The following STPG2 variants were observed in gnomAD, a reference collection of about 807,000 sequenced individuals.
STPG2 encodes sperm-tail PG-rich repeat-containing protein 2.
Under a neutral mutation model 54.2 loss-of-function variants are expected in STPG2, and 56 were observed. That is an observed-to-expected ratio of 1.03 (90% CI 0.83 to 1.29). The LOEUF (loss-of-function observed/expected upper bound fraction) is 1.29. Among genes scored for constraint, STPG2 ranks in the 50% most tolerant of loss-of-function variants. STPG2 has a pLI of 0.00. For synonymous variants in STPG2, 200 were observed against 181.8 expected (o/e 1.10, Z -0.81); for missense variants, 596 against 544.9 (o/e 1.09, Z -0.93).
At chr4:97,678,671 A>T (rs544208848) in intron 10 of STPG2, among the ~76,000 whole-genome samples, 1 of 151,732 alleles carries the variant, frequency 6.6e-6, no homozygotes, top group Admixed American at 6.6e-5. Context: ...CATGTGCACA[A>T]TGTGCAGGTT....
chr4:97,735,805 T>C (rs1724968269), intron 9 of STPG2, among the ~76,000 whole-genome samples: 1 of 151,886 alleles, frequency 6.6e-6, no homozygotes, highest in Admixed American at 6.6e-5. Flanking sequence ...AGACACAGGG[T>C]TAATGTCCTA....
intron 9 of STPG2, among the ~76,000 whole-genome samples, chr4:97,750,206 T>C (rs564335105): frequency 2.6e-4 from 39 of 151,850 alleles, no homozygotes; most frequent in African/African-American, 8.9e-4. Flanking sequence ...CCTTAGAAAA[T>C]CTTTGCTTTA....
At chr4:97,493,421 G>A (rs1024065054) in intron 4 of STPG2, among the ~76,000 whole-genome samples, 2 of 151,394 alleles carry the variant, frequency 1.3e-5, no homozygotes, top group Non-Finnish European at 3.0e-5. Flanking sequence ...ATGTAGCATT[G>A]ACTTTGGGAA....
chr4:97,889,024 C>A (rs1012715931), intron 8 of STPG2, among the ~76,000 whole-genome samples: 10 of 152,166 alleles, frequency 6.6e-5, no homozygotes, highest in Admixed American at 5.9e-4. Flanking sequence ...GAGGCCTCCA[C>A]AGAAGCTAGC....
At chr4:97,655,134 C>G (rs1722185681) in intron 10 of STPG2, among the ~76,000 whole-genome samples, 1 of 151,988 alleles carries the variant, frequency 6.6e-6, no homozygotes, top group South Asian at 2.1e-4. Context: ...AATTATGAAG[C>G]TATTTTCACT....
chr4:97,703,610 G>GTA (rs893083761), intron 10 of STPG2, among the ~76,000 whole-genome samples: 4 of 132,774 alleles, frequency 3.0e-5, no homozygotes, highest in Non-Finnish European at 6.2e-5. Context: ...GTAGTGTATA[G>GTA]TATATATACT....
chr4:98,122,348 C>T (rs1247775296), intron 3 of STPG2, among the ~76,000 whole-genome samples: 1 of 151,992 alleles, frequency 6.6e-6, no homozygotes, highest in Non-Finnish European at 1.5e-5. Context: ...ATATATGGCT[C>T]TTATTATTTT....
chr4:97,870,922 A>C (rs1729960899), intron 8 of STPG2, among the ~76,000 whole-genome samples: 1 of 151,284 alleles, frequency 6.6e-6, no homozygotes, highest in Admixed American at 6.6e-5. Context: ...GTCACAAAGA[A>C]TGTGCCTACA....
At chr4:98,024,710 G>C (rs76015608) in intron 5 of STPG2, among the ~76,000 whole-genome samples, 9,338 of 152,148 alleles carry the variant, frequency 0.061, 312 homozygotes, top group Middle Eastern at 0.095. Flanking sequence ...TATAACATTT[G>C]ATAGCATCAT....
intron 9 of STPG2, among the ~76,000 whole-genome samples, chr4:97,828,918 C>A (rs1241601489): frequency 6.6e-6 from 1 of 152,138 alleles, no homozygotes; most frequent in Non-Finnish European, 1.5e-5. Context: ...GACAGAGCAG[C>A]TGGGAGGAAG....
At chr4:98,090,548 T>G (rs1260995443) in intron 5 of STPG2, among the ~76,000 whole-genome samples, 4 of 152,104 alleles carry the variant, frequency 2.6e-5, no homozygotes, top group Non-Finnish European at 4.4e-5. Context: ...GGCTTTTTTT[T>G]TGTTCCACAT....
intron 10 of STPG2, among the ~76,000 whole-genome samples, chr4:97,622,630 T>C (rs1332547645): frequency 2.0e-5 from 3 of 151,930 alleles, no homozygotes; most frequent in Non-Finnish European, 4.4e-5. Flanking sequence ...CACAAATAAA[T>C]GGAAAAACAT....
At chr4:98,023,073 T>C (rs1471792250) in intron 5 of STPG2, among the ~76,000 whole-genome samples, 1 of 152,244 alleles carries the variant, frequency 6.6e-6, no homozygotes, top group Admixed American at 6.5e-5. Context: ...ACTGCATTCC[T>C]TTGGAGGAGG....
chr4:97,845,300 A>G (rs549756514), intron 8 of STPG2, among the ~76,000 whole-genome samples: 43 of 152,116 alleles, frequency 2.8e-4, no homozygotes, highest in Non-Finnish European at 5.7e-4. Context: ...TGCTTTCAGA[A>G]TCTGTAGAGA....
At chr4:97,777,541 C>T (rs750777944) in intron 9 of STPG2, among the ~76,000 whole-genome samples, 7 of 152,132 alleles carry the variant, frequency 4.6e-5, no homozygotes, top group Non-Finnish European at 1.0e-4. Flanking sequence ...GTTGCTATAC[C>T]TGGTTCTATT....
At chr4:97,751,207 C>T (rs1330361919) in intron 9 of STPG2, among the ~76,000 whole-genome samples, 2 of 151,840 alleles carry the variant, frequency 1.3e-5, no homozygotes, top group Non-Finnish European at 2.9e-5. Flanking sequence ...TAGGAGAGAG[C>T]ACCTGGAACA....
chr4:97,907,192 C>A (rs1432737074), intron 8 of STPG2, among the ~76,000 whole-genome samples: 4 of 151,448 alleles, frequency 2.6e-5, no homozygotes, highest in South Asian at 4.2e-4. Flanking sequence ...AATCAATGTA[C>A]AAAAATCACA....
In STPG2 at chr4:98,133,395, G is replaced by A. The variant is rs192649233; in HGVS notation, c.222+952C>T. 3.6e-3 allele frequency among the ~76,000 whole-genome samples: 546 copies of A among 152,040 alleles called. 5 individuals are homozygous for A. The highest frequency in any genetic ancestry group is 0.012 in the African/African-American group (515 of 41,532). Reference sequence around the variant, plus strand: ...ACATGTCCAGTTGTTCACAGTCACCGTTCACAGAGCCTATCTCTAGCGGGT... The same window carrying A: ...ACATGTCCAGTTGTTCACAGTCACCATTCACAGAGCCTATCTCTAGCGGGT... On this transcript the variant is annotated intron_variant, in intron 2 of 10. Transcript: ENST00000295268.
intron 10 of STPG2, among the ~76,000 whole-genome samples, chr4:97,593,826 G>C (rs1416212009): frequency 6.6e-6 from 1 of 151,986 alleles, no homozygotes; most frequent in East Asian, 1.9e-4. Flanking sequence ...ACCTTGAGGG[G>C]CCAGAGAACA....
Sources: gnomAD v4.1 joint callset for allele counts (sites outside exome capture counted in the v4.1 genomes callset) on GRCh38, gnomAD v4.1.1 for gene constraint, MANE v1.5 for transcripts, NCBI Gene and HGNC (gene_info 2026-07-23, HGNC 2026-07-21) for gene names.